Variants in MAP4K5 observed in about 807,000 individuals in gnomAD.
The protein encoded by MAP4K5 is mitogen-activated protein kinase kinase kinase kinase 5.
In MAP4K5, 82 loss-of-function variants were observed where a neutral mutation model predicts 135.6. The ratio of observed to expected loss-of-function variants is 0.60; its 90% confidence interval spans 0.51 to 0.73. The LOEUF (loss-of-function observed/expected upper bound fraction) is 0.73, where lower values mean the gene tolerates loss of function less well. Ranked by LOEUF, MAP4K5 falls within the 30% of genes least tolerant of loss-of-function variation. The probability of loss-of-function intolerance (pLI) is 0.00; values close to 1 mark genes in which losing one functional copy is unlikely to be tolerated. For missense variants in MAP4K5, 907 were observed against 1,010.9 expected, an observed-to-expected ratio of 0.90 and a Z score of 1.39; for synonymous variants, 347 against 335.0, an observed-to-expected ratio of 1.04 and a Z score of -0.39.
chr14:50,501,446 A>G (rs1446391820), intron 3 of MAP4K5, among the ~76,000 whole-genome samples: 1 of 152,130 alleles, frequency 6.6e-6, no homozygotes, highest in Non-Finnish European at 1.5e-5. Flanking sequence ...GAAAATATTA[A>G]AAACAAAAAC....
chr14:50,488,609 T>C (rs937071141), intron 3 of MAP4K5, among the ~76,000 whole-genome samples: 14 of 152,198 alleles, frequency 9.2e-5, no homozygotes, highest in African/African-American at 3.4e-4. Context: ...ATATTACTAG[T>C]AACAAACTAC....
chr14:50,513,416 T>C (rs1427413072), intron 2 of MAP4K5, among the ~76,000 whole-genome samples: 1 of 152,228 alleles, frequency 6.6e-6, no homozygotes, highest in Admixed American at 6.5e-5. Flanking sequence ...TTGTAAACTA[T>C]GAACTCTTCT....
At chr14:50,548,960 G>A (rs551203496) in intron 1 of MAP4K5, among the ~76,000 whole-genome samples, 3 of 152,266 alleles carry the variant, frequency 2.0e-5, no homozygotes, top group South Asian at 4.1e-4. Context: ...AAAGGTGGGT[G>A]GAAGGCTTTC....
intron 14 of MAP4K5, among the ~76,000 whole-genome samples, chr14:50,452,895 A>G (rs2036522030): frequency 6.6e-6 from 1 of 152,258 alleles, no homozygotes; most frequent in South Asian, 2.1e-4. Flanking sequence ...CCCAAGACCC[A>G]TGGAAAGATA....
At chr14:50,431,961 T>C (rs2139657027) in intron 28 of MAP4K5, among the ~76,000 whole-genome samples, 1 of 152,338 alleles carries the variant, frequency 6.6e-6, no homozygotes, top group Non-Finnish European at 1.5e-5. Context: ...CAGAATTTTA[T>C]ATAATATTTT....
chr14:50,474,475 G>A (rs950541525), intron 9 of MAP4K5, among the ~76,000 whole-genome samples: 3 of 151,862 alleles, frequency 2.0e-5, no homozygotes, highest in African/African-American at 7.3e-5. Flanking sequence ...TTAAGGTTTT[G>A]TTATGAGGCT....
intron 1 of MAP4K5, among the ~76,000 whole-genome samples, chr14:50,560,791 G>T (rs2038832547): frequency 6.6e-6 from 1 of 152,178 alleles, no homozygotes; most frequent in Non-Finnish European, 1.5e-5. Flanking sequence ...GGCGGGCGGC[G>T]GGCGGCGCGC....
chr14:50,488,592 T>C (rs2139944559), intron 3 of MAP4K5, among the ~76,000 whole-genome samples: 1 of 152,336 alleles, frequency 6.6e-6, no homozygotes, highest in South Asian at 2.1e-4. Context: ...ATAATATGGC[T>C]GAATTAATAT....
intron 2 of MAP4K5, among the ~76,000 whole-genome samples, chr14:50,510,988 T>C (rs976252093): frequency 5.3e-5 from 8 of 152,180 alleles, no homozygotes; most frequent in Non-Finnish European, 1.0e-4. Flanking sequence ...TATGTCCACA[T>C]AAAAACCTAT....
chr14:50,547,790 T>A (rs2038652714), intron 1 of MAP4K5, among the ~76,000 whole-genome samples: 2 of 152,202 alleles, frequency 1.3e-5, no homozygotes, highest in Non-Finnish European at 2.9e-5. Context: ...TATGATTGAC[T>A]TGGATTATGC....
In MAP4K5 at chr14:50,499,656, T is replaced by TA. The variant is rs112715406; in HGVS notation, c.166+5143dup. On this transcript the variant is annotated intron_variant, in intron 3 of 32. Transcript: ENST00000682126. The stretch of plus-strand genomic sequence containing the variant: ...CTGGGCAACAGAAAGAGACCCTGTT[T>TA]AAAAAAAAAAAAAAGTCACTGATAT... 5.7e-3 allele frequency among the ~76,000 whole-genome samples: 795 copies of TA among 139,742 alleles called. 6 individuals are homozygous for TA. The highest frequency in any genetic ancestry group is 0.011 in the African/African-American group (434 of 38,122). 91.7% of individuals were successfully genotyped at this position (139,742 alleles called of 152,430 possible).
At chr14:50,507,084 A>T (rs2037826036) in intron 2 of MAP4K5, among the ~76,000 whole-genome samples, 2 of 152,200 alleles carry the variant, frequency 1.3e-5, no homozygotes, top group Admixed American at 6.5e-5. Flanking sequence ...TTGTTCAGTA[A>T]ATCATAAAAT....
intron 14 of MAP4K5, among the ~76,000 whole-genome samples, chr14:50,452,381 G>T (rs545146128): frequency 1.4e-3 from 220 of 152,222 alleles, no homozygotes; most frequent in Non-Finnish European, 2.8e-3. Flanking sequence ...TTTTGTTGTT[G>T]TTTTTCTCTT....
At chr14:50,546,200 A>G (rs2038629673) in intron 1 of MAP4K5, among the ~76,000 whole-genome samples, 1 of 152,238 alleles carries the variant, frequency 6.6e-6, no homozygotes, top group Non-Finnish European at 1.5e-5. Flanking sequence ...CTTTACCCCA[A>G]ATTTTTGTCC....
At chr14:50,447,073 T>G (rs1311868044) in intron 16 of MAP4K5, among the ~76,000 whole-genome samples, 1 of 152,162 alleles carries the variant, frequency 6.6e-6, no homozygotes, top group African/African-American at 2.4e-5. Flanking sequence ...TAGGAACAAC[T>G]CATGAAGGCC....
At chr14:50,472,158 G>GT (rs1220783323) in intron 9 of MAP4K5, 5 of 136,534 alleles carry the variant, frequency 3.7e-5, no homozygotes, top group African/African-American at 5.8e-5. Flanking sequence ...CTCTATGAAG[G>GT]TAAAAAAAAA....
At chr14:50,433,135 C>G (rs1429631119) in intron 28 of MAP4K5, among the ~76,000 whole-genome samples, 1 of 152,154 alleles carries the variant, frequency 6.6e-6, no homozygotes, top group Admixed American at 6.5e-5. Context: ...CTGTGCCCAG[C>G]CTGGGGAAAT....
upstream of MAP4K5, among the ~76,000 whole-genome samples, chr14:50,537,463 A>T (rs1459762729): frequency 6.6e-6 from 1 of 152,172 alleles, no homozygotes; most frequent in Admixed American, 6.5e-5. Flanking sequence ...GTTCCTACTG[A>T]GGTACTGCCT....
chr14:50,496,522 T>C lies in MAP4K5; in HGVS notation c.166+8278A>G, dbSNP rs377358334. Among the ~76,000 whole-genome samples the C allele has an allele frequency of 3.9e-5, 6 of 151,998 alleles. No individual in the cohort carries two copies. In the East Asian group the frequency reaches 1.2e-3, roughly 29 times the overall value. ...ATTATATATATATTTCTTTCTTTCTTTTTTGGGACAGGATTTCATTCTGTT... is the reference window on the plus strand; with the variant it reads ...ATTATATATATATTTCTTTCTTTCTCTTTTGGGACAGGATTTCATTCTGTT... On this transcript the variant is annotated intron_variant, in intron 3 of 32. Transcript: ENST00000682126.
Sources: gnomAD v4.1 joint callset for allele counts (sites outside exome capture counted in the v4.1 genomes callset) on GRCh38, gnomAD v4.1.1 for gene constraint, MANE v1.5 for transcripts, NCBI Gene and HGNC (gene_info 2026-07-23, HGNC 2026-07-21) for gene names.